The following APBB1IP variants were observed in gnomAD, a reference collection of about 807,000 sequenced individuals.
APBB1IP encodes amyloid beta A4 precursor protein-binding family B member 1-interacting protein.
A neutral mutation model predicts 64.9 loss-of-function variants in APBB1IP; 27 were observed. That is an observed-to-expected ratio of 0.42 (90% CI 0.31 to 0.57). The LOEUF is 0.57. Among genes scored for constraint, APBB1IP ranks in the 20% least tolerant of loss-of-function variants. APBB1IP has a pLI of 0.20. For missense variants in APBB1IP, 812 were observed against 845.5 expected (o/e 0.96, Z 0.49); for synonymous variants, 392 against 331.0 (o/e 1.18, Z -2.00).
intron 6 of APBB1IP, among the ~76,000 whole-genome samples, chr10:26,507,416 G>A (rs1836196229): frequency 6.6e-6 from 1 of 152,190 alleles, no homozygotes; most frequent in South Asian, 2.1e-4. Context: ...AGGATCCCTT[G>A]ACCCCGGGAA....
chr10:26,527,336 C>G (rs1836487133), intron 8 of APBB1IP, among the ~76,000 whole-genome samples: 1 of 152,090 alleles, frequency 6.6e-6, no homozygotes, highest in Non-Finnish European at 1.5e-5. Context: ...CACTTGAAAT[C>G]TGGAATTCAA....
chr10:26,561,026 C>A (rs1044520806), intron 13 of APBB1IP, among the ~76,000 whole-genome samples, 182 bp downstream of exon 13: 1 of 147,502 alleles, frequency 6.8e-6, no homozygotes, highest in East Asian at 2.0e-4. Context: ...CCTATAACAT[C>A]TGTTTTCTTT....
At chr10:26,441,881 T>C (rs1222852293) in intron 2 of APBB1IP, among the ~76,000 whole-genome samples, 3 of 152,258 alleles carry the variant, frequency 2.0e-5, no homozygotes, top group Non-Finnish European at 4.4e-5. Flanking sequence ...ATTATTATAA[T>C]GTTTACTTAT....
Position 26,511,879 on chromosome 10 carries a change from T to C in APBB1IP, c.664T>C (p.Tyr222His). ...TGACTGCAATGTAGACTGGTGTCTT[T>C]ATGAAATCTACCCGGAACTACAAAT... ...HCDCNVDWCL[Y>H]EIYPELQIER... Residue 222 changes from tyrosine to histidine, a missense_variant, in exon 7 of 15, where the codon TAT becomes CAT. Transcript: ENST00000376236. 1 of 1,614,232 alleles carries C rather than the reference T, an allele frequency of 6.2e-7. No homozygotes were observed. Among genetic ancestry groups the C allele is most frequent in the Non-Finnish European group, 8.5e-7 (1 of 1,180,036 alleles).
At chr10:26,452,417 A>C (rs1042053519) in intron 2 of APBB1IP, among the ~76,000 whole-genome samples, 1 of 152,242 alleles carries the variant, frequency 6.6e-6, no homozygotes, top group Non-Finnish European at 1.5e-5. Context: ...TGCACATTAT[A>C]TTAGATGTGG....
At chr10:26,521,190 G>C (rs1432836688) in intron 8 of APBB1IP, among the ~76,000 whole-genome samples, 1 of 152,184 alleles carries the variant, frequency 6.6e-6, no homozygotes, top group Non-Finnish European at 1.5e-5. Context: ...TGGGAGCCAA[G>C]TATGAGTCTA....
At chr10:26,539,169 G>A (rs972153572) in intron 10 of APBB1IP, among the ~76,000 whole-genome samples, 2 of 152,178 alleles carry the variant, frequency 1.3e-5, no homozygotes, top group Admixed American at 1.3e-4. Context: ...CCAGAACTCT[G>A]GGAGGACCAG....
At chr10:26,442,373 G>A (rs991327863) in intron 2 of APBB1IP, among the ~76,000 whole-genome samples, 7 of 152,084 alleles carry the variant, frequency 4.6e-5, no homozygotes, top group Admixed American at 6.5e-5. Flanking sequence ...CATGACAGCC[G>A]GCTAGGTTGA....
At chr10:26,498,872 A>G (rs1836062355) in intron 4 of APBB1IP, among the ~76,000 whole-genome samples, 1 of 152,226 alleles carries the variant, frequency 6.6e-6, no homozygotes, top group Admixed American at 6.5e-5. Context: ...TTTAAAAACT[A>G]CTGCTACGTA....
intron 11 of APBB1IP, among the ~76,000 whole-genome samples, chr10:26,555,736 C>A (rs1362752278): frequency 1.3e-5 from 2 of 152,160 alleles, no homozygotes; most frequent in African/African-American, 4.8e-5. Context: ...GTAGCTGGAA[C>A]TACAGGTGTG....
chr10:26,539,648 T>C (rs926375817), intron 10 of APBB1IP, among the ~76,000 whole-genome samples: 4 of 152,124 alleles, frequency 2.6e-5, no homozygotes, highest in African/African-American at 7.2e-5. Flanking sequence ...TAATACCTTA[T>C]GGCCAAAGAT....
chr10:26,500,421 C>T (rs772340938), intron 4 of APBB1IP, among the ~76,000 whole-genome samples: 3 of 152,040 alleles, frequency 2.0e-5, no homozygotes, highest in Non-Finnish European at 4.4e-5. Context: ...GGGAAAACTC[C>T]CCTTCCATCC....
Position 26,567,282 on chromosome 10 carries a change from C to A in APBB1IP, c.1795C>A (p.Pro599Thr). Residue 599 changes from proline (P) to threonine (T), a missense_variant, in exon 15 of 15, where the codon CCC becomes ACC. Transcript: ENST00000376236. Reference sequence around the variant, plus strand: ...CGCAGGGATCGCGGGCTCAGAGCTGCCCCCGCCGCCGCCGCCGCCGCCCGC... The same window carrying A: ...CGCAGGGATCGCGGGCTCAGAGCTGACCCCGCCGCCGCCGCCGCCGCCCGC... ...SYAGIAGSEL[P>T]PPPPPPPAPA... The A allele has an allele frequency of 1.8e-6, 2 of 1,122,626 alleles. No homozygotes were observed. The highest frequency in any genetic ancestry group is 2.2e-6 in the Non-Finnish European group (2 of 913,230). 69.5% of individuals were successfully genotyped at this position (1,122,626 alleles called of 1,614,324 possible).
intron 11 of APBB1IP, among the ~76,000 whole-genome samples, chr10:26,553,085 G>T (rs550193006): frequency 6.6e-6 from 1 of 151,974 alleles, no homozygotes; most frequent in South Asian, 2.1e-4. Flanking sequence ...GCAGTGGCGC[G>T]ATCTCAGCTC....
intron 11 of APBB1IP, among the ~76,000 whole-genome samples, chr10:26,550,387 G>A (rs904500161): frequency 3.3e-5 from 5 of 151,900 alleles, no homozygotes; most frequent in Admixed American, 2.0e-4. Flanking sequence ...TTAGTTACAT[G>A]TAGATTTGCT....
At chr10:26,454,906 A>G (rs548512329) in intron 2 of APBB1IP, among the ~76,000 whole-genome samples, 1 of 152,336 alleles carries the variant, frequency 6.6e-6, no homozygotes, top group South Asian at 2.1e-4. Flanking sequence ...AATCCAAAAG[A>G]GAGACAATAA....
chr10:26,479,816 G>A (rs1452354407), intron 2 of APBB1IP, among the ~76,000 whole-genome samples: 1 of 152,180 alleles, frequency 6.6e-6, no homozygotes, highest in African/African-American at 2.4e-5. Flanking sequence ...TAATTTTTAG[G>A]ATTGAGAGTT....
At chr10:26,561,732 A>G (rs1275490099) in intron 13 of APBB1IP, among the ~76,000 whole-genome samples, 1 of 152,128 alleles carries the variant, frequency 6.6e-6, no homozygotes, top group Non-Finnish European at 1.5e-5. Context: ...AGGCAGGAAA[A>G]TAAAATAGCA....
chr10:26,525,171 A>C (rs1209602116), intron 8 of APBB1IP, among the ~76,000 whole-genome samples: 3 of 151,462 alleles, frequency 2.0e-5, no homozygotes, highest in African/African-American at 7.3e-5. Context: ...AGTCCCAGCC[A>C]CTCAAGATGC....
Sources: gnomAD v4.1 joint callset for allele counts (sites outside exome capture counted in the v4.1 genomes callset) on GRCh38, gnomAD v4.1.1 for gene constraint, MANE v1.5 for transcripts, NCBI Gene and HGNC (gene_info 2026-07-23, HGNC 2026-07-21) for gene names.